The following PLSCR5 variants were observed in gnomAD, a reference collection of about 807,000 sequenced individuals.
PLSCR5 encodes phospholipid scramblase family, member 5.
In PLSCR5, 44 loss-of-function variants were observed where a neutral mutation model predicts 33.6. That is an observed-to-expected ratio of 1.31 (90% CI 1.03 to 1.69). The LOEUF is 1.69. Ranked by LOEUF, PLSCR5 falls within the 40% of genes most tolerant of loss-of-function variation. The pLI is 0.00. For synonymous variants in PLSCR5, 148 were observed against 112.3 expected (o/e 1.32, Z -2.01); for missense variants, 375 against 318.7 (o/e 1.18, Z -1.34).
At chr3:146,602,269 T>G (rs2044823204) in intron 1 of PLSCR5, among the ~76,000 whole-genome samples, 1 of 152,100 alleles carries the variant, frequency 6.6e-6, no homozygotes, top group South Asian at 2.1e-4. Context: ...CTATGTCAGA[T>G]TTGGGAGAAG....
chr3:146,594,071 G>T lies in PLSCR5; in HGVS notation c.302C>A (p.Ala101Glu). ...KNSLGQRIYF[A>E]VEESICFNRT... ...ATTGAAGCAGATGCTTTCCTCCACT[G>T]CAAAGTAAATTCTTTGTCCCAAGCT... The change falls in exon 4 of 8, where the codon GCA (alanine) becomes GAA (glutamate). Residue 101 changes from alanine to glutamate, a missense_variant. Ala to Glu is a moderately radical substitution (Grantham distance 107). Coordinates refer to ENST00000443512, the MANE Select transcript of PLSCR5 (RefSeq NM_001085420.2). The T allele has an allele frequency of 6.2e-7, 1 of 1,613,680 alleles. No individual in the cohort carries two copies. Among genetic ancestry groups the T allele is most frequent in the Non-Finnish European group, 8.5e-7 (1 of 1,179,760 alleles).
downstream of PLSCR5, among the ~76,000 whole-genome samples, chr3:146,581,727 T>A (rs1459603958): frequency 6.6e-6 from 1 of 152,346 alleles, no homozygotes; most frequent in Non-Finnish European, 1.5e-5. Context: ...CTATGTTAAT[T>A]AGCTCAAGTT....
chr3:146,600,881 A>T (rs2044808126), intron 1 of PLSCR5, among the ~76,000 whole-genome samples: 1 of 148,514 alleles, frequency 6.7e-6, no homozygotes, highest in South Asian at 2.1e-4. Flanking sequence ...TAAATTATAT[A>T]TTATATAACT....
chr3:146,577,719 A>G (rs2044607764), intron 7 of PLSCR5, among the ~76,000 whole-genome samples: 1 of 152,096 alleles, frequency 6.6e-6, no homozygotes, highest in African/African-American at 2.4e-5. Context: ...GTTTATTAAA[A>G]ACATAACATC....
chr3:146,581,139 A>G (rs1459075107), downstream of PLSCR5, among the ~76,000 whole-genome samples: 2 of 152,240 alleles, frequency 1.3e-5, no homozygotes, highest in East Asian at 1.9e-4. Flanking sequence ...TCAGCCAGTC[A>G]GTGAACATAT....
intron 2 of PLSCR5, among the ~76,000 whole-genome samples, chr3:146,596,732 A>G (rs1182227664): frequency 6.6e-6 from 1 of 152,192 alleles, no homozygotes; most frequent in Non-Finnish European, 1.5e-5. Flanking sequence ...ATTTGAAGCT[A>G]CATGATTTCC....
downstream of PLSCR5, among the ~76,000 whole-genome samples, chr3:146,584,589 T>C (rs906070173): frequency 3.3e-5 from 5 of 152,164 alleles, no homozygotes; most frequent in African/African-American, 9.6e-5. Context: ...TTATGGTCGA[T>C]TGAGGCAATG....
chr3:146,581,345 C>G (rs1423264487), downstream of PLSCR5, among the ~76,000 whole-genome samples: 1 of 152,140 alleles, frequency 6.6e-6, no homozygotes. Flanking sequence ...TCTATGGTAA[C>G]CTTAACGTGT....
At chr3:146,592,464 G>A (rs548014957) in intron 4 of PLSCR5, among the ~76,000 whole-genome samples, 1 of 151,976 alleles carries the variant, frequency 6.6e-6, no homozygotes, top group Non-Finnish European at 1.5e-5. Flanking sequence ...GCATTATCCG[G>A]CATTACTTTA....
At chr3:146,603,661 A>T (rs2044838882) in intron 1 of PLSCR5, among the ~76,000 whole-genome samples, 1 of 152,112 alleles carries the variant, frequency 6.6e-6, no homozygotes, top group Non-Finnish European at 1.5e-5. Context: ...CTGGCTTTGA[A>T]TTTCTATCTA....
Position 146,589,642 on chromosome 3 carries a change from C to T in PLSCR5, c.777+11G>A, listed in dbSNP as rs755900747. 1 of 1,556,312 alleles carries T rather than the reference C, an allele frequency of 6.4e-7. No homozygotes were observed. The highest frequency in any genetic ancestry group is 1.2e-5 in the South Asian group (1 of 84,678). ...TAACAAATCACTCATGCTCTCAAAG[C>T]CCATACTTACAAAGAGAAAACAGGC... On this transcript the variant is annotated intron_variant, in intron 6 of 7. Coordinates refer to ENST00000443512, the MANE Select transcript of PLSCR5 (RefSeq NM_001085420.2).
intron 1 of PLSCR5, among the ~76,000 whole-genome samples, chr3:146,603,164 A>T (rs2044833806): frequency 6.6e-6 from 1 of 152,132 alleles, no homozygotes; most frequent in Admixed American, 6.6e-5. Flanking sequence ...AGTAGTGCTG[A>T]TTGATCTGCC....
At chr3:146,599,963 A>G (rs1477706579) in intron 2 of PLSCR5, among the ~76,000 whole-genome samples, 1 of 152,064 alleles carries the variant, frequency 6.6e-6, no homozygotes, top group African/African-American at 2.4e-5. Flanking sequence ...CGTGCCTGGC[A>G]TATTAGACAA....
chr3:146,598,997 T>C (rs2044786937), intron 2 of PLSCR5, among the ~76,000 whole-genome samples: 1 of 152,236 alleles, frequency 6.6e-6, no homozygotes, highest in Admixed American at 6.5e-5. Flanking sequence ...AGATTTGATT[T>C]TGATAAAGGA....
intron 3 of PLSCR5, among the ~76,000 whole-genome samples, chr3:146,594,344 A>G (rs1408638721): frequency 6.6e-6 from 1 of 152,134 alleles, no homozygotes; most frequent in Non-Finnish European, 1.5e-5. Context: ...ATAAAGCTAT[A>G]TAATTAATTA....
At position 146,589,812 on chromosome 3, in the gene PLSCR5, C is replaced by T. The variant is rs771439848; in HGVS notation, c.618G>A (p.Val206=). 4 of 1,525,776 alleles carry T rather than the reference C, an allele frequency of 2.6e-6. No homozygotes were observed. The highest frequency in any genetic ancestry group is 3.6e-6 in the Non-Finnish European group (4 of 1,118,976). 94.5% of individuals were successfully genotyped at this position (1,525,776 alleles called of 1,614,324 possible). ...TTGTAAGCTTTTCATTAATGGTTTT[C>T]ACCTTTAGAAAGAAAATAAGGAGTA... ...CGCFGDVDFE[V]KTINEKLTIG... The change falls in exon 6 of 8, where the codon GTG becomes GTA. Residue 206 remains valine (V), a splice_region_variant and synonymous_variant. Coordinates refer to ENST00000443512, the MANE Select transcript of PLSCR5 (RefSeq NM_001085420.2).
chr3:146,599,834 A>G (rs1048859462), intron 2 of PLSCR5, among the ~76,000 whole-genome samples: 15 of 151,980 alleles, frequency 9.9e-5, no homozygotes, highest in African/African-American at 3.6e-4. Flanking sequence ...AAATGTCACC[A>G]TGCCCTGATA....
chr3:146,594,259 T>C (rs146966643), intron 3 of PLSCR5, 119 bp from the exon 4 acceptor site: 125 of 710,344 alleles, frequency 1.8e-4, no homozygotes, highest in Non-Finnish European at 3.9e-5. Context: ...ATATATGGTA[T>C]CTTCTTCACA....
intron 6 of PLSCR5, 106 bp downstream of exon 6, chr3:146,589,547 T>C: frequency 9.0e-7 from 1 of 1,114,696 alleles, no homozygotes; most frequent in African/African-American, 1.6e-5. Flanking sequence ...ATGAATAAAA[T>C]ATACTCTTTG....
Sources: gnomAD v4.1 joint callset for allele counts (sites outside exome capture counted in the v4.1 genomes callset) on GRCh38, gnomAD v4.1.1 for gene constraint, MANE v1.5 for transcripts, NCBI Gene and HGNC (gene_info 2026-07-23, HGNC 2026-07-21) for gene names.